The following PIGN variants were observed in gnomAD, a reference collection of about 807,000 sequenced individuals.
The protein encoded by PIGN is GPI ethanolamine phosphate transferase 1.
PIGN carries 117 observed loss-of-function variants against 125.4 expected under a neutral mutation model. The ratio of observed to expected loss-of-function variants is 0.93; its 90% confidence interval spans 0.80 to 1.09. The LOEUF (loss-of-function observed/expected upper bound fraction) is 1.09, where lower values mean the gene tolerates loss of function less well. Among genes scored for constraint, PIGN ranks in the 50% least tolerant of loss-of-function variants. The pLI is 0.00. For missense variants in PIGN, 1,075 were observed against 1,094.9 expected (o/e 0.98, Z 0.26); for synonymous variants, 392 against 377.8 (o/e 1.04, Z -0.44).
chr18:62,129,205 G>A (rs2035643056), intron 14 of PIGN, among the ~76,000 whole-genome samples: 1 of 152,090 alleles, frequency 6.6e-6, no homozygotes. Flanking sequence ...CATAGTGAGC[G>A]TATTTATACC....
rs180709908 is a variant in PIGN at position 62,144,014 on chromosome 18, T to C, written c.923-668A>G. 2.6e-4 allele frequency among the ~76,000 whole-genome samples: 39 copies of C among 152,204 alleles called. 1 individual carries two copies. In the East Asian group the frequency reaches 6.2e-3, roughly 24 times the overall value. On this transcript the variant is annotated intron_variant, in intron 10 of 30. Coordinates refer to ENST00000640252, the MANE Select transcript of PIGN (RefSeq NM_176787.5). ...TATAAGATATTTGTATAATAAAATT[T>C]CATTCAATAAGCTAATTAAAGTTTA...
intron 1 of PIGN, among the ~76,000 whole-genome samples, chr18:62,169,666 G>A (rs1011904764): frequency 6.6e-6 from 1 of 151,786 alleles, no homozygotes; most frequent in Non-Finnish European, 1.5e-5. Context: ...TGTTGCCCAG[G>A]CTGCAGTGCA....
At chr18:62,107,370 G>A (rs760204658) in intron 17 of PIGN, 40 of 309,954 alleles carry the variant, frequency 1.3e-4, no homozygotes, top group Non-Finnish European at 2.2e-4. Context: ...TGAAGAGGGC[G>A]GATCACCTGA....
At position 62,157,785 on chromosome 18, in the gene PIGN, C is replaced by G; in HGVS notation, c.245G>C (p.Ser82Thr). The stretch of plus-strand genomic sequence containing the variant: ...CACACGTGTATGAGATATGCCCCAG[C>G]TGCCTTCATGCATTATGATATTCCT... ...FIRNIIMHEG[S>T]WGISHTRVPT... is the part of the protein sequence containing the mutation. The change falls in exon 5 of 31, where the codon AGC becomes ACC. Residue 82 changes from serine to threonine, a missense_variant. Physicochemically the swap from Ser to Thr is moderately conservative, Grantham distance 58 (BLOSUM62 1). Transcript: ENST00000640252. 6.2e-7 allele frequency: 1 copy of G among 1,611,794 alleles called. No homozygotes were observed. The highest frequency in any genetic ancestry group is 8.5e-7 in the Non-Finnish European group (1 of 1,178,638).
intron 28 of PIGN, among the ~76,000 whole-genome samples, chr18:62,078,152 G>A (rs922799740): frequency 2.0e-5 from 3 of 152,170 alleles, no homozygotes; most frequent in African/African-American, 7.2e-5. Flanking sequence ...CTAACTGGGT[G>A]TGAAACAGAA....
rs2030377579 is a variant in PIGN, at chr18:62,041,640, G to GGTGTGGGT, written c.*4215_*4216insACCCACAC. Reference sequence around the variant, plus strand: ...ATTACAGGAGCCTACCACCCCGCCGGGTGTGTGTGTGTGTGTGTGTGTGTG... The same window carrying GGTGTGGGT: ...ATTACAGGAGCCTACCACCCCGCCGGGTGTGGGTGTGTGTGTGTGTGTGTGTGTGTGTG... On this transcript the variant is annotated 3_prime_UTR_variant, in exon 31 of 31. Transcript: ENST00000640252. 2 of 77,470 alleles carry GGTGTGGGT rather than the reference G, an allele frequency of 2.6e-5. No homozygotes were observed. Among genetic ancestry groups the GGTGTGGGT allele is most frequent in the Non-Finnish European group, 4.9e-5 (2 of 40,880 alleles). 4.8% of individuals were successfully genotyped at this position (77,470 alleles called of 1,614,324 possible).
At chr18:62,110,358 T>C (rs1439896577) in intron 16 of PIGN, among the ~76,000 whole-genome samples, 1 of 152,160 alleles carries the variant, frequency 6.6e-6, no homozygotes, top group African/African-American at 2.4e-5. Context: ...TGGGACTTAA[T>C]TATCATTTGG....
chr18:62,153,066 A>C (rs1599643960), intron 7 of PIGN, among the ~76,000 whole-genome samples: 1 of 151,894 alleles, frequency 6.6e-6, no homozygotes, highest in East Asian at 1.9e-4. Flanking sequence ...CTTCTTTCTC[A>C]CTTCCTCAAA....
rs1467870781 is a variant in PIGN, at chr18:62,107,138, TAAC to T, written c.1575-56_1575-54del. ...TTTTAAAGTTAGGTCATACATAGTATAACAATACAAACTTTGCACAAAGCTAAA... is the reference window on the plus strand; with the variant it reads ...TTTTAAAGTTAGGTCATACATAGTATAATACAAACTTTGCACAAAGCTAAA... On this transcript the variant is annotated intron_variant, in intron 17 of 30. Coordinates refer to ENST00000640252, the MANE Select transcript of PIGN (RefSeq NM_176787.5). 4.5e-6 allele frequency: 5 copies of T among 1,111,546 alleles called. No individual in the cohort carries two copies. The African/African-American group carries it at 7.8e-5, about 17-fold the overall frequency. 68.9% of individuals were successfully genotyped at this position (1,111,546 alleles called of 1,614,324 possible).
chr18:62,086,337 G>C (rs528430828), intron 25 of PIGN, among the ~76,000 whole-genome samples: 8 of 152,256 alleles, frequency 5.3e-5, no homozygotes, highest in African/African-American at 1.9e-4. Flanking sequence ...GCCTGAACTG[G>C]GCCGGGTGTA....
At chr18:62,107,125 G>T in intron 17 of PIGN, 40 bp from the exon 18 acceptor site, 1 of 1,203,322 alleles carries the variant, frequency 8.3e-7, no homozygotes, top group Non-Finnish European at 1.2e-6. Context: ...TTAAAGTTAG[G>T]TCATACATAG....
intron 14 of PIGN, among the ~76,000 whole-genome samples, chr18:62,114,909 C>G (rs1169854494): frequency 1.3e-5 from 2 of 152,182 alleles, no homozygotes; most frequent in Non-Finnish European, 2.9e-5. Flanking sequence ...AAATGTAATA[C>G]TCTGGCTAAC....
rs569195914 is a variant in PIGN, at chr18:62,079,617, A to G, written c.2576+3056T>C. 7.9e-5 allele frequency among the ~76,000 whole-genome samples: 12 copies of G among 152,284 alleles called. No homozygotes were observed. The South Asian group carries it at 2.5e-3, about 32-fold the overall frequency. On this transcript the variant is annotated intron_variant, in intron 28 of 30. Coordinates refer to ENST00000640252, the MANE Select transcript of PIGN (RefSeq NM_176787.5). ...CTAAAACCACAGAATAAAATCTGTA[A>G]CTAACAAAATAATGATGGAAGAAGC... is the stretch of plus-strand genomic sequence containing the variant.
intron 1 of PIGN, among the ~76,000 whole-genome samples, chr18:62,166,179 C>G (rs1037071239): frequency 6.6e-6 from 1 of 152,140 alleles, no homozygotes; most frequent in African/African-American, 2.4e-5. Flanking sequence ...TGCGCAGGAC[C>G]TTCTTGCTTT....
intron 16 of PIGN, among the ~76,000 whole-genome samples, chr18:62,110,889 T>A (rs865796591): frequency 2.7e-5 from 4 of 146,644 alleles, no homozygotes; most frequent in Admixed American, 1.4e-4. Flanking sequence ...GTATATATAT[T>A]ATATATATAT....
At chr18:62,069,833 AT>A (rs2032739032) in intron 30 of PIGN, 3 of 152,228 alleles carry the variant, frequency 2.0e-5, no homozygotes, top group African/African-American at 7.2e-5. Context: ...ACACTTAAAA[AT>A]TGTTATGATG....
intron 2 of PIGN, among the ~76,000 whole-genome samples, chr18:62,163,250 A>G (rs9807213): frequency 0.54 from 82,038 of 151,936 alleles, 24,229 homozygotes; most frequent in East Asian, 0.79. Flanking sequence ...CTACTCTAGA[A>G]ACAACACAGA....
chr18:62,115,833 C>T (rs1179762776), intron 14 of PIGN, among the ~76,000 whole-genome samples: 1 of 152,098 alleles, frequency 6.6e-6, no homozygotes, highest in East Asian at 1.9e-4. Flanking sequence ...TGTGCTTTGG[C>T]TTGGGACAGT....
At chr18:62,025,345 T>C (rs913141760) in intron 23 of PIGN, among the ~76,000 whole-genome samples, 5 of 152,208 alleles carry the variant, frequency 3.3e-5, no homozygotes, top group African/African-American at 9.6e-5. Context: ...GAGACAGTTA[T>C]TTTGTTTCCT....
Sources: gnomAD v4.1 joint callset for allele counts (sites outside exome capture counted in the v4.1 genomes callset) on GRCh38, gnomAD v4.1.1 for gene constraint, MANE v1.5 for transcripts, NCBI Gene and HGNC (gene_info 2026-07-23, HGNC 2026-07-21) for gene names.